Variants in BICC1 observed in about 807,000 individuals in gnomAD.
BICC1 encodes the protein protein bicaudal C homolog 1.
Under a neutral mutation model 111.0 loss-of-function variants are expected in BICC1, and 43 were observed. That is an observed-to-expected ratio of 0.39 (90% CI 0.30 to 0.50). The LOEUF is 0.50. Among genes scored for constraint, BICC1 ranks in the 20% least tolerant of loss-of-function variants. BICC1 has a pLI of 0.88. For missense variants in BICC1, 1,091 were observed against 1,203.2 expected (o/e 0.91, Z 1.38); for synonymous variants, 467 against 434.4 (o/e 1.07, Z -0.93).
At chr10:58,640,573 G>A (rs1001939040) in intron 2 of BICC1, among the ~76,000 whole-genome samples, 1 of 152,100 alleles carries the variant, frequency 6.6e-6, no homozygotes, top group Non-Finnish European at 1.5e-5. Context: ...ACCCTAAGAT[G>A]GTTATTGCAG....
chr10:58,578,611 T>A (rs1398187485), intron 1 of BICC1, among the ~76,000 whole-genome samples: 1 of 152,192 alleles, frequency 6.6e-6, no homozygotes, highest in Non-Finnish European at 1.5e-5. Flanking sequence ...AACCTTGTAG[T>A]GTTTGAGAGC....
intron 2 of BICC1, among the ~76,000 whole-genome samples, chr10:58,652,940 A>G (rs1838496704): frequency 6.6e-6 from 1 of 152,138 alleles, no homozygotes; most frequent in Non-Finnish European, 1.5e-5. Context: ...AGAAATCTGT[A>G]CACATGGAGG....
chr10:58,549,589 A>G (rs981203539), intron 1 of BICC1, among the ~76,000 whole-genome samples: 6 of 147,036 alleles, frequency 4.1e-5, no homozygotes, highest in Admixed American at 1.4e-4. Context: ...TCATCTATGT[A>G]TCTTCTTTGG....
intron 2 of BICC1, among the ~76,000 whole-genome samples, chr10:58,667,165 AT>A: frequency 6.6e-6 from 1 of 152,144 alleles, no homozygotes; most frequent in Admixed American, 6.6e-5. Context: ...ACCTCTGTAG[AT>A]TATATAAGTA....
intron 3 of BICC1, among the ~76,000 whole-genome samples, chr10:58,781,965 A>G (rs1372799525): frequency 6.6e-6 from 1 of 152,170 alleles, no homozygotes; most frequent in Non-Finnish European, 1.5e-5. Flanking sequence ...CACTTTCCAA[A>G]AAAGCACTGA....
chr10:58,653,942 T>G (rs1178031686), intron 2 of BICC1, among the ~76,000 whole-genome samples: 1 of 151,472 alleles, frequency 6.6e-6, no homozygotes, highest in African/African-American at 2.4e-5. Context: ...TTTGGTTTTT[T>G]GTTCTTGTGA....
At chr10:58,523,169 A>T (rs934887694) in intron 1 of BICC1, among the ~76,000 whole-genome samples, 3 of 152,184 alleles carry the variant, frequency 2.0e-5, no homozygotes, top group African/African-American at 7.2e-5. Context: ...ATTCCAATCA[A>T]TAGAAAAAGA....
intron 1 of BICC1, among the ~76,000 whole-genome samples, chr10:58,599,126 CTG>C (rs1485402822): frequency 2.0e-5 from 3 of 152,154 alleles, no homozygotes; most frequent in Admixed American, 1.3e-4. Context: ...GAAATACCAT[CTG>C]GCCCAACAAT....
Position 58,513,170 on chromosome 10 carries a change from C to T in BICC1, c.27C>T (p.Tyr9=). MAAQGEPG[Y]LAAQSDPGSN... is the part of the protein sequence containing the mutation. Reference sequence around the variant, plus strand: ...TGGCCGCCCAGGGAGAGCCCGGCTACCTGGCGGCGCAGTCGGACCCCGGCT... The same window carrying T: ...TGGCCGCCCAGGGAGAGCCCGGCTATCTGGCGGCGCAGTCGGACCCCGGCT... The change falls in exon 1 of 21, where the codon TAC becomes TAT. Residue 9 remains tyrosine, a synonymous_variant. Transcript: ENST00000373886. 1 of 1,567,004 alleles carries T rather than the reference C, an allele frequency of 6.4e-7. No homozygotes were observed. The highest frequency in any genetic ancestry group is 1.2e-5 in the South Asian group (1 of 85,834).
At chr10:58,553,334 A>C (rs1025124469) in intron 1 of BICC1, among the ~76,000 whole-genome samples, 1 of 152,212 alleles carries the variant, frequency 6.6e-6, no homozygotes, top group Non-Finnish European at 1.5e-5. Flanking sequence ...CAAAGGAGTT[A>C]GAGTCAGAGG....
chr10:58,744,219 GA>G (rs1362971926), intron 3 of BICC1, among the ~76,000 whole-genome samples: 1 of 151,916 alleles, frequency 6.6e-6, no homozygotes. Flanking sequence ...TTGCTACCTG[GA>G]AAAAATAGTA....
At position 58,702,254 on chromosome 10, in the gene BICC1, A is replaced by G. The variant is rs1589039572; in HGVS notation, c.307+111A>G. 1.4e-5 allele frequency: 10 copies of G among 736,024 alleles called. No individual in the cohort carries two copies. The East Asian group carries it at 2.9e-4, about 22-fold the overall frequency. The allele number at this position is 736,024 out of a possible 1,614,324, so 45.6% of individuals were successfully genotyped here. ...TTTATTCTTAACACTTTTGTCCCAAAATGTTTGTTAAGTAGCAGTCTTTCA... is the reference window on the plus strand; with the variant it reads ...TTTATTCTTAACACTTTTGTCCCAAGATGTTTGTTAAGTAGCAGTCTTTCA... On this transcript the variant is annotated intron_variant, in intron 3 of 20. Transcript: ENST00000373886.
intron 3 of BICC1, among the ~76,000 whole-genome samples, chr10:58,739,713 C>A (rs1020818282): frequency 1.3e-5 from 2 of 152,082 alleles, no homozygotes; most frequent in Non-Finnish European, 2.9e-5. Context: ...AATTAAAAAT[C>A]AAAATCTATA....
intron 1 of BICC1, among the ~76,000 whole-genome samples, chr10:58,561,412 C>A (rs1843600401): frequency 6.6e-6 from 1 of 151,388 alleles, no homozygotes; most frequent in Non-Finnish European, 1.5e-5. Context: ...CTTGTTCATC[C>A]CTTCATGTTC....
intron 3 of BICC1, among the ~76,000 whole-genome samples, chr10:58,751,172 C>A (rs1015305085): frequency 2.6e-5 from 4 of 152,088 alleles, no homozygotes; most frequent in Non-Finnish European, 5.9e-5. Flanking sequence ...GTCACAGGCT[C>A]CAAATAAATA....
intron 2 of BICC1, among the ~76,000 whole-genome samples, chr10:58,678,884 A>G (rs948567088): frequency 2.0e-5 from 3 of 152,230 alleles, no homozygotes; most frequent in African/African-American, 7.2e-5. Context: ...TAAGAAACTC[A>G]CTCAAAACTG....
At chr10:58,516,280 G>C (rs1165473625) in intron 1 of BICC1, among the ~76,000 whole-genome samples, 1 of 152,146 alleles carries the variant, frequency 6.6e-6, no homozygotes, top group Non-Finnish European at 1.5e-5. Context: ...AGACTGTCCT[G>C]GGGGCAAGTT....
At position 58,568,864 on chromosome 10, in the gene BICC1, A is replaced by T. The variant is rs11006186; in HGVS notation, c.191-51991A>T. Among the ~76,000 whole-genome samples, 65 of 152,290 alleles carry T rather than the reference A, an allele frequency of 4.3e-4. No individual in the cohort carries two copies. The East Asian group carries it at 0.011, about 25-fold the overall frequency. Reference sequence around the variant, plus strand: ...TGATATTACCAAGGCCTCTTTAAGGAAGGGGAATTTGGCCTCAAAGCCAAC... The same window carrying T: ...TGATATTACCAAGGCCTCTTTAAGGTAGGGGAATTTGGCCTCAAAGCCAAC... On this transcript the variant is annotated intron_variant, in intron 1 of 20. Coordinates refer to ENST00000373886, the MANE Select transcript of BICC1 (RefSeq NM_001080512.3).
At chr10:58,676,570 C>T (rs1839348486) in intron 2 of BICC1, among the ~76,000 whole-genome samples, 2 of 152,206 alleles carry the variant, frequency 1.3e-5, no homozygotes, top group Non-Finnish European at 2.9e-5. Flanking sequence ...CTAAAACTCT[C>T]ATCTCCCTGG....
Sources: gnomAD v4.1 joint callset for allele counts (sites outside exome capture counted in the v4.1 genomes callset) on GRCh38, gnomAD v4.1.1 for gene constraint, MANE v1.5 for transcripts, NCBI Gene and HGNC (gene_info 2026-07-23, HGNC 2026-07-21) for gene names.